The following PIP5K1B variants were observed in gnomAD, a reference collection of about 807,000 sequenced individuals.
PIP5K1B encodes phosphatidylinositol 4-phosphate 5-kinase type-1 beta.
PIP5K1B carries 42 observed loss-of-function variants against 67.0 expected under a neutral mutation model. The ratio of observed to expected loss-of-function variants is 0.63; its 90% CI spans 0.49 to 0.81. The LOEUF (loss-of-function observed/expected upper bound fraction) is 0.81. Among genes scored for constraint, PIP5K1B ranks in the 30% least tolerant of loss-of-function variants. The pLI is 0.00. For missense variants in PIP5K1B, 459 were observed against 646.3 expected (o/e 0.71, Z 3.14); for synonymous variants, 214 against 231.4 (o/e 0.92, Z 0.68).
At chr9:68,720,218 C>T (rs1003455648) in intron 1 of PIP5K1B, among the ~76,000 whole-genome samples, 1 of 152,184 alleles carries the variant, frequency 6.6e-6, no homozygotes, top group Admixed American at 6.5e-5. Flanking sequence ...TACAAAATTT[C>T]AGTAGCCTAG....
intron 14 of PIP5K1B, among the ~76,000 whole-genome samples, chr9:68,949,198 C>A (rs964973009): frequency 2.0e-5 from 3 of 152,166 alleles, no homozygotes; most frequent in African/African-American, 7.2e-5. Context: ...TGCTATGTCT[C>A]TGGAAGAATG....
chr9:68,927,886 T>C (rs1826793909), intron 12 of PIP5K1B, among the ~76,000 whole-genome samples: 1 of 152,210 alleles, frequency 6.6e-6, no homozygotes, highest in African/African-American at 2.4e-5. Flanking sequence ...GTCTTAGCTC[T>C]TACATTTAGG....
chr9:68,872,336 A>G (rs1823665678), intron 5 of PIP5K1B, among the ~76,000 whole-genome samples: 1 of 152,220 alleles, frequency 6.6e-6, no homozygotes, highest in Admixed American at 6.5e-5. Flanking sequence ...CGGGCCCAGC[A>G]GGGGCCAGCG....
intron 3 of PIP5K1B, among the ~76,000 whole-genome samples, chr9:68,821,698 A>G (rs970596476): frequency 6.6e-5 from 10 of 152,274 alleles, no homozygotes; most frequent in African/African-American, 2.4e-4. Context: ...ATACCCTAGT[A>G]TGCCCTAGCA....
intron 14 of PIP5K1B, among the ~76,000 whole-genome samples, chr9:68,967,048 G>A (rs1008055268): frequency 6.6e-6 from 1 of 152,184 alleles, no homozygotes; most frequent in African/African-American, 2.4e-5. Context: ...GGTTGAATAT[G>A]TACAATTTTG....
intron 14 of PIP5K1B, 129 bp from the exon 15 acceptor site, chr9:68,991,011 T>A: frequency 1.5e-6 from 1 of 676,910 alleles, no homozygotes; most frequent in East Asian, 2.5e-5. Flanking sequence ...GGCATAACCA[T>A]ATTTCCTTCA....
chr9:69,001,571 A>C (rs145445001), intron 15 of PIP5K1B, among the ~76,000 whole-genome samples: 1 of 152,270 alleles, frequency 6.6e-6, no homozygotes, highest in African/African-American at 2.4e-5. Flanking sequence ...GCAGAAGGTG[A>C]AGGGGAAGCC....
chr9:68,816,645 A>C (rs1833461953), intron 2 of PIP5K1B, among the ~76,000 whole-genome samples: 1 of 152,224 alleles, frequency 6.6e-6, no homozygotes. Flanking sequence ...ATATAGGAAA[A>C]CTTAATGTAT....
At chr9:68,811,657 A>G (rs1186324446) in intron 2 of PIP5K1B, among the ~76,000 whole-genome samples, 1 of 152,186 alleles carries the variant, frequency 6.6e-6, no homozygotes, top group Non-Finnish European at 1.5e-5. Context: ...CTGCAGCCCT[A>G]AAAGCAATAG....
At chr9:68,780,394 C>T in intron 2 of PIP5K1B, 6 of 1,613,904 alleles carry the variant, frequency 3.7e-6, no homozygotes, top group Non-Finnish European at 5.1e-6. Flanking sequence ...CCGGCCTCCC[C>T]TGTCCGCATG....
chr9:68,943,362 T>C (rs1457749605), intron 14 of PIP5K1B, among the ~76,000 whole-genome samples: 2 of 152,090 alleles, frequency 1.3e-5, no homozygotes, highest in Non-Finnish European at 2.9e-5. Flanking sequence ...AGGGAAATCA[T>C]AAGGAAAAGA....
At chr9:68,928,792 A>G (rs1370746301) in intron 12 of PIP5K1B, among the ~76,000 whole-genome samples, 1 of 152,218 alleles carries the variant, frequency 6.6e-6, no homozygotes, top group Middle Eastern at 3.2e-3. Flanking sequence ...GTTTTCTAAC[A>G]TTTATCATGA....
chr9:68,764,070 ACTT>A (rs1472056942), intron 2 of PIP5K1B, among the ~76,000 whole-genome samples: 12 of 120,632 alleles, frequency 9.9e-5, no homozygotes, highest in Non-Finnish European at 2.0e-4. Context: ...CTCTACTATA[ACTT>A]CTTTTTTTTT....
At chr9:68,807,659 G>T (rs1346856346) in intron 2 of PIP5K1B, among the ~76,000 whole-genome samples, 1 of 152,112 alleles carries the variant, frequency 6.6e-6, no homozygotes, top group African/African-American at 2.4e-5. Context: ...AGACTTGTTT[G>T]TTTGTTTCTG....
At chr9:68,903,158 G>A (rs769827039) in intron 8 of PIP5K1B, among the ~76,000 whole-genome samples, 3 of 152,096 alleles carry the variant, frequency 2.0e-5, no homozygotes, top group East Asian at 3.9e-4. Flanking sequence ...TGCTCTGTGG[G>A]AACTGTGGAA....
chr9:68,841,622 A>T (rs1821927325), intron 4 of PIP5K1B, among the ~76,000 whole-genome samples: 1 of 152,240 alleles, frequency 6.6e-6, no homozygotes, highest in South Asian at 2.1e-4. Context: ...ATGGAACATT[A>T]GCTATCCACA....
At chr9:68,789,250 T>C in intron 2 of PIP5K1B, 2 of 454,716 alleles carry the variant, frequency 4.4e-6, no homozygotes, top group South Asian at 2.0e-5. Flanking sequence ...CGAAGGATAG[T>C]GGGAGGCTTT....
chr9:68,985,291 G>A (rs1193702010), intron 14 of PIP5K1B, among the ~76,000 whole-genome samples: 6 of 146,838 alleles, frequency 4.1e-5, no homozygotes, highest in Non-Finnish European at 7.4e-5. Flanking sequence ...TCACTCTGTC[G>A]CCCAGGCTGG....
intron 4 of PIP5K1B, among the ~76,000 whole-genome samples, chr9:68,843,449 A>T (rs532589948): frequency 6.6e-6 from 1 of 152,336 alleles, no homozygotes; most frequent in East Asian, 1.9e-4. Context: ...CCCCATTGCC[A>T]GGTGGTTACA....
Sources: allele counts gnomAD v4.1 joint callset (sites outside exome capture counted in the v4.1 genomes callset), GRCh38; gene constraint gnomAD v4.1.1; transcripts MANE v1.5; gene names NCBI Gene and HGNC (gene_info 2026-07-23, HGNC 2026-07-21).